Variants in SV2C observed in about 807,000 individuals in gnomAD.
SV2C encodes the protein synaptic vesicle glycoprotein 2C, also known as solute carrier family 22 member B3.
Under a neutral mutation model 79.7 loss-of-function variants are expected in SV2C, and 49 were observed. The observed-to-expected ratio is 0.61, with a 90% CI of 0.49 to 0.78. The LOEUF is 0.78. Ranked by LOEUF, SV2C falls within the 30% of genes least tolerant of loss-of-function variation. The pLI, the probability that SV2C is intolerant of heterozygous loss-of-function variation, is 0.00. For missense variants in SV2C, 833 were observed against 912.9 expected (o/e 0.91, Z 1.13); for synonymous variants, 334 against 333.2 (o/e 1.00, Z -0.03).
chr5:76,326,539 C>T lies in SV2C; in HGVS notation c.*992C>T, dbSNP rs1006949207. 6.6e-6 allele frequency: 1 copy of T among 152,216 alleles called. No homozygotes were observed. The highest frequency in any genetic ancestry group is 1.9e-4 in the East Asian group (1 of 5,204). The allele number at this position is 152,216 out of a possible 1,614,324, so 9.4% of individuals were successfully genotyped here. ...CATTTGGAAATACAAAATGGTACCTCTTTCCAGTACCTCTTTGCTGTGGGA... is the reference window on the plus strand; with the variant it reads ...CATTTGGAAATACAAAATGGTACCTTTTTCCAGTACCTCTTTGCTGTGGGA... On this transcript the variant is annotated 3_prime_UTR_variant, in exon 13 of 13. Coordinates refer to ENST00000502798, the MANE Select transcript of SV2C (RefSeq NM_014979.4).
chr5:76,230,524 C>A (rs80245597), intron 4 of SV2C, among the ~76,000 whole-genome samples: 17,921 of 152,200 alleles, frequency 0.12, 3,068 homozygotes, highest in African/African-American at 0.38. Flanking sequence ...CATAGCATGG[C>A]TGGGCGTGGT....
the SV2C span, among the ~76,000 whole-genome samples, chr5:75,913,800 C>A: frequency 6.6e-6 from 1 of 152,122 alleles, no homozygotes; most frequent in African/African-American, 2.4e-5. Context: ...ATTCTGGATT[C>A]TTCTCAAAAA....
chr5:76,193,980 A>G (rs1303211917), intron 2 of SV2C, among the ~76,000 whole-genome samples: 1 of 152,220 alleles, frequency 6.6e-6, no homozygotes, highest in African/African-American at 2.4e-5. Context: ...TTATCTTTAA[A>G]AGATAATAAG....
the SV2C span, among the ~76,000 whole-genome samples, chr5:76,075,127 T>C: frequency 9.2e-5 from 14 of 152,168 alleles, no homozygotes; most frequent in South Asian, 2.1e-4. Context: ...GAAATTCACT[T>C]GACTCTTACA....
chr5:76,340,085 T>A (rs946901744), intron 12 of SV2C, among the ~76,000 whole-genome samples: 1 of 152,168 alleles, frequency 6.6e-6, no homozygotes, highest in Non-Finnish European at 1.5e-5. Flanking sequence ...ACACTAATCA[T>A]AATTCATTAG....
chr5:76,341,312 T>C (rs550760402), intron 12 of SV2C, among the ~76,000 whole-genome samples: 1 of 152,214 alleles, frequency 6.6e-6, no homozygotes, highest in Admixed American at 6.5e-5. Flanking sequence ...CCAAGGCAGG[T>C]GGATTGCTTG....
intron 2 of SV2C, among the ~76,000 whole-genome samples, chr5:76,177,848 A>G (rs1423696866): frequency 6.6e-6 from 1 of 152,102 alleles, no homozygotes; most frequent in African/African-American, 2.4e-5. Flanking sequence ...CTGGGCAGGA[A>G]TGGCTGAAAG....
the SV2C span, among the ~76,000 whole-genome samples, chr5:75,977,156 G>A: frequency 1.3e-5 from 2 of 152,070 alleles, no homozygotes; most frequent in African/African-American, 4.8e-5. Context: ...ATTTTGTTTG[G>A]GACTGAGCTC....
At chr5:76,217,133 T>G (rs1279083681) in intron 4 of SV2C, among the ~76,000 whole-genome samples, 1 of 152,168 alleles carries the variant, frequency 6.6e-6, no homozygotes, top group East Asian at 1.9e-4. Flanking sequence ...ATGGCCTCTA[T>G]CTGGCTAGCC....
intron 4 of SV2C, among the ~76,000 whole-genome samples, chr5:76,268,622 T>C (rs1306472011): frequency 6.6e-6 from 1 of 152,202 alleles, no homozygotes; most frequent in Non-Finnish European, 1.5e-5. Context: ...ACGCAAACGC[T>C]TTAGGAAATA....
chr5:76,285,734 G>A (rs1459355796), intron 5 of SV2C, 47 bp from the exon 6 acceptor site: 4 of 1,528,912 alleles, frequency 2.6e-6, no homozygotes, highest in Admixed American at 1.8e-5. Flanking sequence ...ATCAGGGAGG[G>A]TAAGTGTGTC....
the SV2C span, among the ~76,000 whole-genome samples, chr5:76,009,991 G>GTTTTTT: frequency 7.7e-4 from 87 of 112,640 alleles, no homozygotes; most frequent in South Asian, 2.3e-3. Flanking sequence ...TATCTATTTT[G>GTTTTTT]TTTTTTTTTT....
chr5:76,271,606 A>G (rs1386944890), intron 4 of SV2C, among the ~76,000 whole-genome samples: 4 of 149,852 alleles, frequency 2.7e-5, no homozygotes, highest in Non-Finnish European at 5.9e-5. Flanking sequence ...AAAACTACTA[A>G]GCATGTGTTC....
chr5:75,882,849 T>C, the SV2C span, among the ~76,000 whole-genome samples: 1 of 150,212 alleles, frequency 6.7e-6, no homozygotes, highest in Non-Finnish European at 1.5e-5. Flanking sequence ...TGGGATCTAA[T>C]TAAACTAAAG....
the SV2C span, among the ~76,000 whole-genome samples, chr5:75,868,085 C>G: frequency 6.6e-6 from 1 of 152,198 alleles, no homozygotes; most frequent in South Asian, 2.1e-4. Flanking sequence ...TCAAGGAAAG[C>G]TCAGAAGTGA....
At chr5:76,180,928 T>C (rs1342227646) in intron 2 of SV2C, among the ~76,000 whole-genome samples, 1 of 152,184 alleles carries the variant, frequency 6.6e-6, no homozygotes, top group Admixed American at 6.5e-5. Context: ...CTCTTTCACT[T>C]CTTCTTGGCC....
At chr5:76,279,262 T>G (rs1326638060) in intron 4 of SV2C, among the ~76,000 whole-genome samples, 1 of 152,186 alleles carries the variant, frequency 6.6e-6, no homozygotes, top group Non-Finnish European at 1.5e-5. Context: ...TCGAGGTATA[T>G]TTCTGGAGCT....
the SV2C span, among the ~76,000 whole-genome samples, chr5:75,998,723 C>T: frequency 0.46 from 70,030 of 151,648 alleles, 16,985 homozygotes; most frequent in Middle Eastern, 0.63. Context: ...CCTAGGTCTC[C>T]AGCTTGCAGA....
chr5:75,999,357 G>A, the SV2C span, among the ~76,000 whole-genome samples: 1 of 143,296 alleles, frequency 7.0e-6, no homozygotes, highest in South Asian at 2.4e-4. Context: ...GAAGGAGTGG[G>A]GGAGGGAGGG....
Sources: allele counts gnomAD v4.1 joint callset (sites outside exome capture counted in the v4.1 genomes callset), GRCh38; gene constraint gnomAD v4.1.1; transcripts MANE v1.5; gene names NCBI Gene and HGNC (gene_info 2026-07-23, HGNC 2026-07-21).